The following TMEM63C variants were observed in gnomAD, a reference collection of about 807,000 sequenced individuals.
TMEM63C encodes transmembrane protein 63C.
Under a neutral mutation model 99.2 loss-of-function variants are expected in TMEM63C, and 32 were observed. That is an observed-to-expected ratio of 0.32 (90% CI 0.24 to 0.43). TMEM63C has a LOEUF of 0.43. Ranked by LOEUF, TMEM63C falls within the 20% of genes least tolerant of loss-of-function variation. The pLI, the probability that TMEM63C is intolerant of heterozygous loss-of-function variation, is 1.00. For synonymous variants in TMEM63C, 376 were observed against 397.9 expected, an observed-to-expected ratio of 0.94 and a Z score of 0.66; for missense variants, 826 against 1,053.0, an observed-to-expected ratio of 0.78 and a Z score of 2.98.
chr14:77,248,964 A>G, intron 20 of TMEM63C, 92 bp downstream of exon 20: 1 of 1,249,996 alleles, frequency 8.0e-7, no homozygotes, highest in South Asian at 1.2e-5. Context: ...CTCCTGGAGC[A>G]TGGGGAGACC....
At chr14:77,238,549 T>C in intron 9 of TMEM63C, 145 bp from the exon 10 acceptor site, 2 of 671,180 alleles carry the variant, frequency 3.0e-6, no homozygotes, top group South Asian at 3.8e-5. Flanking sequence ...TGGCTCTGGC[T>C]TTCTTGGCTC....
chr14:77,252,004 G>A (rs1004878025), intron 22 of TMEM63C, 106 bp downstream of exon 22: 1 of 939,156 alleles, frequency 1.1e-6, no homozygotes. Context: ...GGATGAAAGG[G>A]TCTCGCCTTT....
intron 8 of TMEM63C, among the ~76,000 whole-genome samples, chr14:77,235,135 G>A (rs1367986794): frequency 6.6e-6 from 1 of 152,008 alleles, no homozygotes; most frequent in Non-Finnish European, 1.5e-5. Flanking sequence ...ATCTGGCTCA[G>A]AGTAAACACT....
chr14:77,182,638 C>A (rs1238719460), intron 1 of TMEM63C, among the ~76,000 whole-genome samples: 1 of 152,128 alleles, frequency 6.6e-6, no homozygotes, highest in Non-Finnish European at 1.5e-5. Context: ...ACCCCAGGAC[C>A]TCCCCCCACC....
At chr14:77,218,999 G>T in intron 3 of TMEM63C, 36 bp downstream of exon 3, 3 of 1,494,122 alleles carry the variant, frequency 2.0e-6, no homozygotes, top group Non-Finnish European at 2.7e-6. Context: ...AGACAGTAAA[G>T]CCTCAGACAG....
rs1887968222 is a variant in TMEM63C at position 77,184,667 on chromosome 14, G to C, written c.-77+2773G>C. 2.6e-5 allele frequency among the ~76,000 whole-genome samples: 4 copies of C among 152,178 alleles called. 1 individual carries two copies. In the South Asian group the frequency reaches 8.3e-4, roughly 32 times the overall value. On this transcript the variant is annotated intron_variant, in intron 1 of 23. Coordinates refer to ENST00000298351, the MANE Select transcript of TMEM63C (RefSeq NM_020431.4). ...CAGCTTTTAGTGCCCTGTTTTGCCT[G>C]AGGTGGGGCCCCAATGCTCACTCTT...
At position 77,230,668 on chromosome 14, in the gene TMEM63C, C is replaced by T. The variant is rs569777627; in HGVS notation, c.351-920C>T. ...TCTAGGCTGCCTGCTCCTTATGAGA[C>T]TCTAACTAATGCCTGATGATCTGAG... On this transcript the variant is annotated intron_variant, in intron 6 of 23. Coordinates refer to ENST00000298351, the MANE Select transcript of TMEM63C (RefSeq NM_020431.4). Among the ~76,000 whole-genome samples the T allele has an allele frequency of 8.5e-5, 13 of 152,232 alleles. No homozygotes were observed. In the South Asian group the frequency reaches 2.5e-3, roughly 29 times the overall value.
chr14:77,243,198 A>G (rs1889211235), intron 15 of TMEM63C, 142 bp downstream of exon 15: 1 of 1,022,372 alleles, frequency 9.8e-7, no homozygotes, highest in Non-Finnish European at 1.4e-6. Context: ...CCATGGTGCA[A>G]ATGGCGGGGT....
At chr14:77,234,427 A>G (rs919650159) in intron 8 of TMEM63C, among the ~76,000 whole-genome samples, 1 of 152,184 alleles carries the variant, frequency 6.6e-6, no homozygotes, top group African/African-American at 2.4e-5. Context: ...CCCGAGGCCC[A>G]TTGCTGGCCC....
chr14:77,193,171 CGTCT>C (rs1055261412), intron 1 of TMEM63C, among the ~76,000 whole-genome samples: 5 of 152,212 alleles, frequency 3.3e-5, no homozygotes, highest in Non-Finnish European at 5.9e-5. Context: ...CATGAAAATA[CGTCT>C]GTCTTTTTTG....
chr14:77,249,575 A>G, intron 21 of TMEM63C, 117 bp downstream of exon 21: 2 of 1,152,884 alleles, frequency 1.7e-6, no homozygotes. Flanking sequence ...GCTGCTCACC[A>G]GACCTGGCCA....
chr14:77,215,688 G>A (rs1056581676), intron 2 of TMEM63C, among the ~76,000 whole-genome samples: 1 of 151,718 alleles, frequency 6.6e-6, no homozygotes, highest in East Asian at 1.9e-4. Flanking sequence ...GCCACTCCTG[G>A]GACCAGCCAG....
intron 1 of TMEM63C, among the ~76,000 whole-genome samples, chr14:77,200,287 T>A (rs1279295737): frequency 1.3e-5 from 2 of 152,172 alleles, no homozygotes; most frequent in Non-Finnish European, 2.9e-5. Flanking sequence ...CAGAGCCACA[T>A]GGAGACTGCC....
intron 5 of TMEM63C, among the ~76,000 whole-genome samples, chr14:77,224,758 GT>G (rs1201682107): frequency 6.6e-5 from 10 of 152,140 alleles, no homozygotes; most frequent in African/African-American, 9.7e-5. Flanking sequence ...GTTTCATGAT[GT>G]TTACTGAGGT....
rs541587959 is a variant in TMEM63C, at chr14:77,202,782, C to T, written c.-76-10664C>T. Among the ~76,000 whole-genome samples the T allele has an allele frequency of 2.6e-5, 4 of 151,984 alleles. No homozygotes were observed. The South Asian group carries it at 8.3e-4, about 32-fold the overall frequency. ...GAGGATACTGTTCAACCCAGTAGCG[C>T]TGCACATCCCAAACACATAGCTACA... On this transcript the variant is annotated intron_variant, in intron 1 of 23. Transcript: ENST00000298351.
intron 12 of TMEM63C, 41 bp from the exon 13 acceptor site, chr14:77,240,434 G>A (rs1229140849): frequency 2.5e-6 from 4 of 1,579,378 alleles, no homozygotes; most frequent in Middle Eastern, 1.7e-4. Flanking sequence ...AGGCCTTCCT[G>A]GGGCTCTGGC....
At chr14:77,204,526 G>A (rs1440528853) in intron 1 of TMEM63C, among the ~76,000 whole-genome samples, 1 of 152,124 alleles carries the variant, frequency 6.6e-6, no homozygotes, top group Non-Finnish European at 1.5e-5. Context: ...CCTTTCTTCT[G>A]CAAATATTTG....
At chr14:77,248,258 T>G in intron 18 of TMEM63C, 89 bp from the exon 19 acceptor site, 5 of 1,188,608 alleles carry the variant, frequency 4.2e-6, no homozygotes, top group Non-Finnish European at 6.0e-6. Context: ...TCCCATTCCC[T>G]CTGCTGCTCT....
intron 1 of TMEM63C, among the ~76,000 whole-genome samples, chr14:77,186,987 A>G (rs935832211): frequency 5.9e-5 from 9 of 152,210 alleles, no homozygotes; most frequent in Admixed American, 5.2e-4. Context: ...CAGCCTGAAC[A>G]ATAAGCCTGG....
Sources: allele counts gnomAD v4.1 joint callset (sites outside exome capture counted in the v4.1 genomes callset), GRCh38; gene constraint gnomAD v4.1.1; transcripts MANE v1.5; gene names NCBI Gene and HGNC (gene_info 2026-07-23, HGNC 2026-07-21).